NBAS: variants seen among roughly 807,000 people sequenced by gnomAD.
NBAS encodes NAG/BC035112 fusion.
In NBAS, 219 loss-of-function variants were observed where a neutral mutation model predicts 302.5. The observed-to-expected ratio is 0.72, with a 90% confidence interval of 0.65 to 0.81. The LOEUF is 0.81. NBAS is among the 30% of genes least tolerant of loss of function. NBAS has a pLI of 0.00. For missense variants in NBAS, 2,932 were observed against 2,841.6 expected (o/e 1.03, Z -0.72); for synonymous variants, 1,118 against 1,021.6 (o/e 1.09, Z -1.80).
the NBAS span, among the ~76,000 whole-genome samples, chr2:15,056,364 G>A: frequency 1.3e-5 from 2 of 152,070 alleles, no homozygotes; most frequent in Non-Finnish European, 2.9e-5. Flanking sequence ...GGTATGATGG[G>A]GTATCAGGAC....
chr2:15,400,304 G>C (rs894167584), intron 26 of NBAS, among the ~76,000 whole-genome samples: 1 of 151,626 alleles, frequency 6.6e-6, no homozygotes, highest in African/African-American at 2.4e-5. Flanking sequence ...AGTAGTTCAT[G>C]AGGGTGATGG....
the NBAS span, among the ~76,000 whole-genome samples, chr2:14,813,210 A>T: frequency 6.6e-6 from 1 of 152,188 alleles, no homozygotes; most frequent in Admixed American, 6.5e-5. Flanking sequence ...CATTGGTATA[A>T]AGATACCTGA....
intron 44 of NBAS, among the ~76,000 whole-genome samples, chr2:15,263,960 A>G (rs1008399480): frequency 2.2e-4 from 34 of 152,234 alleles, no homozygotes; most frequent in African/African-American, 8.0e-4. Flanking sequence ...GCTGTTTATT[A>G]TAAGTTTCTT....
chr2:15,494,764 C>T (rs562531976), intron 11 of NBAS, among the ~76,000 whole-genome samples: 1 of 152,282 alleles, frequency 6.6e-6, no homozygotes, highest in South Asian at 2.1e-4. Flanking sequence ...CCACTCCCAG[C>T]ACTTAGGATA....
At chr2:15,208,086 A>G (rs980777039) in intron 48 of NBAS, among the ~76,000 whole-genome samples, 1 of 152,174 alleles carries the variant, frequency 6.6e-6, no homozygotes, top group Non-Finnish European at 1.5e-5. Flanking sequence ...GTATTAGTCC[A>G]TTTTCACTCT....
the NBAS span, among the ~76,000 whole-genome samples, chr2:14,825,692 C>A: frequency 1.1e-4 from 16 of 152,208 alleles, no homozygotes; most frequent in African/African-American, 2.2e-4. Flanking sequence ...ATATACCTTG[C>A]AAATACCTAA....
At chr2:15,109,871 A>G in the NBAS span, among the ~76,000 whole-genome samples, 755 of 152,222 alleles carry the variant, frequency 5.0e-3, 4 homozygotes, top group African/African-American at 0.017. Flanking sequence ...CTAAATGTTC[A>G]ATGTCTTTCT....
At chr2:15,215,563 T>C (rs890072784) in intron 48 of NBAS, among the ~76,000 whole-genome samples, 1 of 152,140 alleles carries the variant, frequency 6.6e-6, no homozygotes, top group African/African-American at 2.4e-5. Context: ...CTTGTCTCTA[T>C]CCTTAATATC....
chr2:15,374,490 C>T (rs190876436), intron 31 of NBAS, 118 bp downstream of exon 31: 5 of 849,774 alleles, frequency 5.9e-6, no homozygotes, highest in East Asian at 4.9e-5. Context: ...AGGGCAGGAT[C>T]TATTGCTAAT....
the NBAS span, among the ~76,000 whole-genome samples, chr2:14,798,023 G>A: frequency 6.6e-6 from 1 of 152,116 alleles, no homozygotes; most frequent in Admixed American, 6.5e-5. Context: ...TTCAACAGAG[G>A]TGATTATGTC....
At chr2:14,843,557 G>GACACACACACACACAC in the NBAS span, among the ~76,000 whole-genome samples, 4,582 of 147,010 alleles carry the variant, frequency 0.031, 249 homozygotes, top group African/African-American at 0.11. Context: ...TACAGACACA[G>GACACACACACACACAC]ACACACACAC....
At chr2:15,414,938 C>G (rs906208889) in intron 25 of NBAS, among the ~76,000 whole-genome samples, 2 of 152,038 alleles carry the variant, frequency 1.3e-5, no homozygotes, top group Admixed American at 6.5e-5. Flanking sequence ...GAGCGAGACT[C>G]TGTCTCAAAA....
At chr2:15,239,405 A>G (rs898751290) in intron 44 of NBAS, among the ~76,000 whole-genome samples, 6 of 149,854 alleles carry the variant, frequency 4.0e-5, no homozygotes, top group African/African-American at 1.5e-4. Context: ...GTGTGTGTAT[A>G]TATATATATA....
chr2:15,223,219 G>A (rs896943065), intron 47 of NBAS, among the ~76,000 whole-genome samples: 9 of 152,062 alleles, frequency 5.9e-5, no homozygotes, highest in African/African-American at 1.9e-4. Flanking sequence ...TCACTCTTAC[G>A]GTTCAGCAAA....
At chr2:15,436,262 T>C (rs546648143) in intron 21 of NBAS, among the ~76,000 whole-genome samples, 1 of 152,376 alleles carries the variant, frequency 6.6e-6, no homozygotes, top group East Asian at 1.9e-4. Flanking sequence ...TAAGACTATT[T>C]GCCTGTAGAT....
At chr2:15,509,330 A>T (rs1014196082) in intron 10 of NBAS, among the ~76,000 whole-genome samples, 2 of 152,144 alleles carry the variant, frequency 1.3e-5, no homozygotes, top group Non-Finnish European at 2.9e-5. Flanking sequence ...CCAATAATAC[A>T]CCAACTGTTC....
In NBAS at chr2:15,310,684, A is replaced by C. The variant is rs1333279830; in HGVS notation, c.4583-1437T>G. ...ATGCCCGTAATCTCAACACTTGTCT[A>C]CCCTGCCTCGCCTATTACTTCCCAC... On this transcript the variant is annotated intron_variant, in intron 38 of 51. Transcript: ENST00000281513. Among the ~76,000 whole-genome samples, 4 of 152,140 alleles carry C rather than the reference A, an allele frequency of 2.6e-5. No homozygotes were observed. The East Asian group carries it at 7.7e-4, about 29-fold the overall frequency.
the NBAS span, among the ~76,000 whole-genome samples, chr2:15,050,009 T>C: frequency 6.6e-6 from 1 of 152,158 alleles, no homozygotes. Flanking sequence ...AAGACCTGGA[T>C]TTTAGCACAA....
the NBAS span, among the ~76,000 whole-genome samples, chr2:15,079,685 G>A: frequency 6.6e-6 from 1 of 152,064 alleles, no homozygotes; most frequent in African/African-American, 2.4e-5. Flanking sequence ...CCATTCCCAC[G>A]ATGTTCTTGG....
Sources: gnomAD v4.1 joint callset for allele counts (sites outside exome capture counted in the v4.1 genomes callset) on GRCh38, gnomAD v4.1.1 for gene constraint, MANE v1.5 for transcripts, NCBI Gene and HGNC (gene_info 2026-07-23, HGNC 2026-07-21) for gene names.